Variants in RAPGEF2 observed in about 807,000 individuals in gnomAD.
RAPGEF2 encodes the protein Rap guanine nucleotide exchange factor 2, also known as PDZ domain containing guanine nucleotide exchange factor (GEF) 1.
Under a neutral mutation model 186.7 loss-of-function variants are expected in RAPGEF2, and 54 were observed. That is an observed-to-expected ratio of 0.29 (90% CI 0.23 to 0.36). RAPGEF2 has a LOEUF of 0.36. RAPGEF2 is among the 10% of genes least tolerant of loss of function. The pLI, the probability that RAPGEF2 is intolerant of heterozygous loss-of-function variation, is 1.00. For missense variants in RAPGEF2, 1,532 were observed against 2,045.0 expected, an observed-to-expected ratio of 0.75 and a Z score of 4.84; for synonymous variants, 712 against 705.9, an observed-to-expected ratio of 1.01 and a Z score of -0.14.
At chr4:159,301,992 T>C (rs1762728855) in intron 7 of RAPGEF2, among the ~76,000 whole-genome samples, 1 of 152,254 alleles carries the variant, frequency 6.6e-6, no homozygotes, top group East Asian at 1.9e-4. Context: ...TAGCAGAGTG[T>C]ATGACATGGC....
rs1747155912 is a variant in RAPGEF2, at chr4:159,182,781, T to G, written c.70-3861T>G. On this transcript the variant is annotated intron_variant, in intron 1 of 29. Transcript: ENST00000691494. ...TCTGTGTCCTTATATAAGATTTAGT[T>G]GCACACACAGTTGTAATTGTTCATA... is the stretch of plus-strand genomic sequence containing the variant. 3.9e-5 allele frequency among the ~76,000 whole-genome samples: 6 copies of G among 152,190 alleles called. No individual in the cohort carries two copies. The South Asian group carries it at 1.2e-3, about 32-fold the overall frequency.
At chr4:159,217,381 T>C (rs964964920) in intron 4 of RAPGEF2, among the ~76,000 whole-genome samples, 4 of 152,198 alleles carry the variant, frequency 2.6e-5, no homozygotes, top group Non-Finnish European at 5.9e-5. Context: ...TGTCCATGAG[T>C]ACCTAACGTT....
chr4:159,189,236 C>T (rs187762168), intron 2 of RAPGEF2, among the ~76,000 whole-genome samples: 10 of 152,270 alleles, frequency 6.6e-5, no homozygotes, highest in Admixed American at 1.3e-4. Flanking sequence ...CAGCAACATT[C>T]GTGTTCTCCT....
chr4:159,132,241 A>G (rs1450303725), intron 1 of RAPGEF2, among the ~76,000 whole-genome samples: 1 of 152,238 alleles, frequency 6.6e-6, no homozygotes. Flanking sequence ...ACACCATTTT[A>G]TGATCGTACT....
At chr4:159,192,483 A>G (rs1467562604) in intron 2 of RAPGEF2, among the ~76,000 whole-genome samples, 2 of 152,352 alleles carry the variant, frequency 1.3e-5, no homozygotes, top group East Asian at 3.9e-4. Flanking sequence ...TAGTTCCTTC[A>G]TAAGATGGAA....
intron 7 of RAPGEF2, among the ~76,000 whole-genome samples, chr4:159,273,670 CTTTCTT>C (rs1758451820): frequency 6.7e-6 from 1 of 148,570 alleles, no homozygotes; most frequent in Non-Finnish European, 1.5e-5. Context: ...TTCTTTCTTT[CTTTCTT>C]TCTTTCTTTC....
chr4:159,345,411 A>G (rs1028896525), intron 24 of RAPGEF2, 82 bp downstream of exon 24: 2 of 1,320,694 alleles, frequency 1.5e-6, no homozygotes, highest in South Asian at 2.5e-5. Flanking sequence ...CAGTGACAAA[A>G]TAAGGCTTAG....
intron 7 of RAPGEF2, among the ~76,000 whole-genome samples, chr4:159,244,248 A>T (rs754292490): frequency 6.6e-6 from 1 of 151,942 alleles, no homozygotes; most frequent in Non-Finnish European, 1.5e-5. Flanking sequence ...ACATTTTGGG[A>T]GGCCACTGGT....
intron 1 of RAPGEF2, among the ~76,000 whole-genome samples, chr4:159,149,252 T>C (rs1743274505): frequency 6.6e-6 from 1 of 152,164 alleles, no homozygotes; most frequent in Non-Finnish European, 1.5e-5. Context: ...TTTTAGTTTT[T>C]TTGTTTATTT....
At chr4:159,266,644 G>C (rs1757467634) in intron 7 of RAPGEF2, among the ~76,000 whole-genome samples, 1 of 152,126 alleles carries the variant, frequency 6.6e-6, no homozygotes, top group Admixed American at 6.5e-5. Context: ...ATCTGTGTGT[G>C]TGTATGTGTG....
chr4:159,287,643 C>A (rs1227334296), intron 7 of RAPGEF2, among the ~76,000 whole-genome samples: 1 of 152,032 alleles, frequency 6.6e-6, no homozygotes, highest in Non-Finnish European at 1.5e-5. Flanking sequence ...TGTTTACATG[C>A]ATAATAAATT....
At chr4:159,119,517 T>C (rs1359853753) in intron 1 of RAPGEF2, among the ~76,000 whole-genome samples, 1 of 152,198 alleles carries the variant, frequency 6.6e-6, no homozygotes, top group Non-Finnish European at 1.5e-5. Flanking sequence ...CAATTTACTT[T>C]GCATAGGAGA....
At chr4:159,187,278 T>A (rs1719398730) in intron 2 of RAPGEF2, among the ~76,000 whole-genome samples, 1 of 152,076 alleles carries the variant, frequency 6.6e-6, no homozygotes, top group African/African-American at 2.4e-5. Flanking sequence ...CCAGGGTCTG[T>A]CTCTGTCTCT....
At chr4:159,105,438 A>G in intron 1 of RAPGEF2, among the ~76,000 whole-genome samples, 1 of 152,208 alleles carries the variant, frequency 6.6e-6, no homozygotes. Context: ...GACAAGCCCC[A>G]AGAGTGGCAC....
intron 1 of RAPGEF2, among the ~76,000 whole-genome samples, chr4:159,141,762 C>T (rs1246490428): frequency 1.3e-5 from 2 of 152,090 alleles, no homozygotes; most frequent in East Asian, 3.8e-4. Context: ...TTTTATCAGT[C>T]TTTAGATAAC....
At chr4:159,171,281 A>G (rs1294897578) in intron 1 of RAPGEF2, among the ~76,000 whole-genome samples, 1 of 152,210 alleles carries the variant, frequency 6.6e-6, no homozygotes, top group East Asian at 1.9e-4. Flanking sequence ...TTTAACTTGA[A>G]CAACAATAAT....
At chr4:159,121,948 G>A (rs894898288) in intron 1 of RAPGEF2, among the ~76,000 whole-genome samples, 1 of 141,320 alleles carries the variant, frequency 7.1e-6, no homozygotes, top group African/African-American at 2.6e-5. Context: ...TGAGGCAGGA[G>A]AATGGCGTAA....
intron 28 of RAPGEF2, among the ~76,000 whole-genome samples, chr4:159,355,444 G>C (rs1580079750): frequency 6.6e-6 from 1 of 152,156 alleles, no homozygotes; most frequent in East Asian, 1.9e-4. Context: ...AGAGGAAAAA[G>C]GGAACTTGTA....
At chr4:159,337,909 A>AAAAAG (rs1232245308) in intron 17 of RAPGEF2, among the ~76,000 whole-genome samples, 2 of 148,666 alleles carry the variant, frequency 1.3e-5, no homozygotes, top group Non-Finnish European at 3.0e-5. Flanking sequence ...AAAAAAAAAA[A>AAAAAG]AAAAGAAAGA....
Sources: allele counts gnomAD v4.1 joint callset (sites outside exome capture counted in the v4.1 genomes callset), GRCh38; gene constraint gnomAD v4.1.1; transcripts MANE v1.5; gene names NCBI Gene and HGNC (gene_info 2026-07-23, HGNC 2026-07-21).